MICALL2: variants seen among roughly 807,000 people sequenced by gnomAD.
MICALL2 encodes the protein MICAL-like protein 2.
Under a neutral mutation model 91.1 loss-of-function variants are expected in MICALL2, and 111 were observed. That is an observed-to-expected ratio of 1.22 (90% CI 1.04 to 1.43). MICALL2 has a LOEUF of 1.43. MICALL2 is among the 40% of genes most tolerant of loss of function. The pLI is 0.00. For missense variants in MICALL2, 1,556 were observed against 1,236.0 expected (o/e 1.26, Z -3.88); for synonymous variants, 694 against 525.3 (o/e 1.32, Z -4.39).
chr7:1,440,511 A>G (rs1274484893), intron 8 of MICALL2, 80 bp downstream of exon 8: 2 of 1,274,914 alleles, frequency 1.6e-6, no homozygotes, highest in Non-Finnish European at 1.1e-6. Context: ...AGGCGTGTCA[A>G]TCGGTCGATT....
chr7:1,456,785 A>C (rs898107342), intron 1 of MICALL2, among the ~76,000 whole-genome samples: 9 of 152,054 alleles, frequency 5.9e-5, no homozygotes, highest in African/African-American at 2.2e-4. Flanking sequence ...ATAAAAGCAA[A>C]GGGCCCAGGC....
rs200156703 is a variant in MICALL2, at chr7:1,435,116, T to C, written c.2623A>G (p.Met875Val). The C allele has an allele frequency of 5.0e-6, 8 of 1,613,196 alleles. No individual in the cohort carries two copies. The highest frequency in any genetic ancestry group is 3.3e-5 in the South Asian group (3 of 91,064). Residue 875 changes from methionine to valine, a missense_variant, in exon 16 of 17, where the codon ATG becomes GTG. Transcript: ENST00000297508. The part of the protein sequence containing the change: ...EQEEDQMLRD[M>V]IEKLGLQRKK... ...GCCCAGTCACCCAGCTTCTCAATCA[T>C]GTCCCGCAGCATCTGATCCTCCTCT... is the stretch of plus-strand genomic sequence containing the variant.
Position 1,442,069 on chromosome 7 carries a change from A to G in MICALL2, c.1711+123T>C. The G allele has an allele frequency of 6.2e-6, 7 of 1,122,256 alleles. No homozygotes were observed. The South Asian group carries it at 1.0e-4, about 16-fold the overall frequency. The allele number at this position is 1,122,256 out of a possible 1,614,324, so 69.5% of individuals were successfully genotyped here. On this transcript the variant is annotated intron_variant, in intron 7 of 16. Transcript: ENST00000297508. ...CGAGCAGGTGTCACGGAGGACAGAG[A>G]TGAGACGGAGAGGAAGGCGGGCGGG...
chr7:1,436,897 G>C, intron 14 of MICALL2, 41 bp from the exon 15 acceptor site: 3 of 1,413,980 alleles, frequency 2.1e-6, no homozygotes, highest in Non-Finnish European at 2.9e-6. Flanking sequence ...CCCCACCACT[G>C]CCATGCCCCT....
intron 14 of MICALL2, chr7:1,437,265 T>G: frequency 1.9e-6 from 1 of 516,226 alleles, no homozygotes; most frequent in Non-Finnish European, 3.4e-6. Flanking sequence ...AATTGATTCG[T>G]TTAATCCTCA....
chr7:1,443,773 C>T (rs1355219224), intron 6 of MICALL2, among the ~76,000 whole-genome samples: 2 of 152,172 alleles, frequency 1.3e-5, no homozygotes, highest in South Asian at 2.1e-4. Context: ...CAAGGGGACG[C>T]GGCCCTTCCC....
At chr7:1,444,408 G>A (rs1032718124) in intron 6 of MICALL2, among the ~76,000 whole-genome samples, 19 of 152,328 alleles carry the variant, frequency 1.2e-4, no homozygotes, top group Admixed American at 4.6e-4. Flanking sequence ...CACCCATGAC[G>A]CCCCGAGCAC....
Position 1,438,330 on chromosome 7 carries a change from C to T in MICALL2, c.2146G>A (p.Val716Ile), listed in dbSNP as rs756686901. 11 of 1,605,034 alleles carry T rather than the reference C, an allele frequency of 6.9e-6. No homozygotes were observed. The East Asian group carries it at 2.5e-4, about 36-fold the overall frequency. Residue 716 changes from valine (V) to isoleucine (I), a missense_variant, in exon 11 of 17, where the codon GTC becomes ATC. Val to Ile is a conservative substitution (Grantham distance 29). Transcript: ENST00000297508. ...KPGRPLSPAN[V>I]PALPGETVTS... ...ACCGTCTCGCCAGGCAGAGCAGGGACATTGGCCGGGGACAAGGGTCTCCCT... is the reference window on the plus strand; with the variant it reads ...ACCGTCTCGCCAGGCAGAGCAGGGATATTGGCCGGGGACAAGGGTCTCCCT...
At chr7:1,437,043 G>A (rs938264163) in intron 14 of MICALL2, 187 bp from the exon 15 acceptor site, 7 of 510,466 alleles carry the variant, frequency 1.4e-5, no homozygotes, top group East Asian at 3.4e-5. Context: ...GTCAGAGCCC[G>A]TGTGCTGGGA....
chr7:1,442,386 C>T lies in MICALL2; in HGVS notation c.1517G>A (p.Arg506Gln), dbSNP rs139705092. 6.8e-5 allele frequency: 110 copies of T among 1,608,560 alleles called. No homozygotes were observed. Among genetic ancestry groups the T allele is most frequent in the Middle Eastern group, 5.0e-4 (3 of 6,046 alleles). The change falls in exon 7 of 17, where the codon CGG becomes CAG. Residue 506 changes from arginine (R) to glutamine (Q), a missense_variant. By Grantham distance (43) the Arg-to-Gln change is conservative (BLOSUM62 1). Coordinates refer to ENST00000297508, the MANE Select transcript of MICALL2 (RefSeq NM_182924.4). ...LAKPLQSSSP[R>Q]VLGLPSRMEP... ...CATCCTCGAAGGGAGGCCAAGCACCCGGGGAGACGAGGACTGTAACGGCTT... is the reference window on the plus strand; with the variant it reads ...CATCCTCGAAGGGAGGCCAAGCACCTGGGGAGACGAGGACTGTAACGGCTT...
rs576197669 is a variant in MICALL2 at position 1,441,228 on chromosome 7, C to T, written c.1712-544G>A. On this transcript the variant is annotated intron_variant, in intron 7 of 16. Transcript: ENST00000297508. The stretch of plus-strand genomic sequence containing the variant: ...GGACAGCCAGTTTCCTGCAGTGGGG[C>T]GAGGCGGGGGGACTCGGCTGCCCCC... 8.1e-5 allele frequency: 13 copies of T among 161,080 alleles called. No individual in the cohort carries two copies. In the South Asian group the frequency reaches 1.0e-3, roughly 13 times the overall value. The allele number at this position is 161,080 out of a possible 1,614,324, so 10.0% of individuals were successfully genotyped here. A position where few individuals can be genotyped will look rare whatever the true frequency, so the allele number is the denominator to read the frequency against.
chr7:1,434,788 G>A (rs1779884518), intron 16 of MICALL2, 116 bp from the exon 17 acceptor site: 29 of 1,127,020 alleles, frequency 2.6e-5, no homozygotes, highest in Non-Finnish European at 3.5e-5. Flanking sequence ...ATCCGCCCTG[G>A]GCCTCCGAGC....
Position 1,435,896 on chromosome 7 carries a change from A to AC in MICALL2, c.2592-750_2592-749insG, listed in dbSNP as rs1779943647. 2.0e-5 allele frequency among the ~76,000 whole-genome samples: 3 copies of AC among 151,882 alleles called. No homozygotes were observed. In the East Asian group the frequency reaches 5.8e-4, roughly 30 times the overall value. ...GAAACCCCGTCTCTACTAAAAATCT[A>AC]AAAAAATTAGCCGGGTGTGGTGGCG... On this transcript the variant is annotated intron_variant, in intron 15 of 16. Transcript: ENST00000297508.
intron 7 of MICALL2, chr7:1,441,120 T>C (rs1235899741): frequency 5.3e-6 from 1 of 186,986 alleles, no homozygotes; most frequent in Admixed American, 5.4e-5. Context: ...GAAAAACCCT[T>C]TGCAGCCCAG....
Position 1,452,138 on chromosome 7 carries a change from C to T in MICALL2, c.144-1850G>A, listed in dbSNP as rs1239350715. Among the ~76,000 whole-genome samples, 2 of 152,206 alleles carry T rather than the reference C, an allele frequency of 1.3e-5. No individual in the cohort carries two copies. The highest frequency in any genetic ancestry group is 4.8e-5 in the African/African-American group (2 of 41,440). ...CCCCTCCCAGGTAACAGGTTTCAGA[C>T]GGCAGGACCACCCGTCTGCACAGGC... On this transcript the variant is annotated intron_variant, in intron 1 of 16. Transcript: ENST00000297508. The surrounding 1 kb of genome is among the most constrained non-coding windows in gnomAD (Gnocchi z 6.2).
At chr7:1,450,442 G>A in intron 1 of MICALL2, 154 bp from the exon 2 acceptor site, 1 of 675,908 alleles carries the variant, frequency 1.5e-6, no homozygotes, top group Non-Finnish European at 2.7e-6. Context: ...GGTGGGCAGA[G>A]GCCAGGGCTC....
rs573747653 is a variant in MICALL2, at chr7:1,459,406, G to C, written c.-80C>G. The C allele has an allele frequency of 2.3e-6, 3 of 1,314,782 alleles. No individual in the cohort carries two copies. The highest frequency in any genetic ancestry group is 3.0e-6 in the Non-Finnish European group (3 of 1,016,700). The allele number at this position is 1,314,782 out of a possible 1,614,324, so 81.4% of individuals were successfully genotyped here. A position where few individuals can be genotyped will look rare whatever the true frequency, so the allele number is the denominator to read the frequency against. On this transcript the variant is annotated 5_prime_UTR_variant, in exon 1 of 17. Transcript: ENST00000297508. ...TGTGCCGCGACCGCCCGGCCGGCGG[G>C]ACAGACGCTGGGACCGCTACGGAAC...
chr7:1,444,082 G>A (rs1364103413), intron 6 of MICALL2, among the ~76,000 whole-genome samples: 6 of 80,094 alleles, frequency 7.5e-5, no homozygotes, highest in East Asian at 3.8e-4. Context: ...CTGTCCCCGC[G>A]TCCACTCAGA....
chr7:1,440,424 G>A (rs1780224586), intron 8 of MICALL2, 167 bp downstream of exon 8: 3 of 684,774 alleles, frequency 4.4e-6, no homozygotes, highest in Admixed American at 2.4e-5. Context: ...CCAAACCAGG[G>A]ACAGCGGCCC....
Sources: allele counts gnomAD v4.1 joint callset (sites outside exome capture counted in the v4.1 genomes callset), GRCh38; gene constraint gnomAD v4.1.1; non-coding constraint Gnocchi (gnomAD v3.1); transcripts MANE v1.5; gene names NCBI Gene and HGNC (gene_info 2026-07-23, HGNC 2026-07-21).